NALF1: variants seen among roughly 807,000 people sequenced by gnomAD.
The protein encoded by NALF1 is NALCN channel auxiliary factor 1.
A neutral mutation model predicts 48.4 loss-of-function variants in NALF1; 3 were observed. The ratio of observed to expected loss-of-function variants is 0.06; its 90% CI spans 0.03 to 0.16. The LOEUF (loss-of-function observed/expected upper bound fraction) is 0.16, where lower values mean the gene tolerates loss of function less well. NALF1 is among the 10% of genes least tolerant of loss of function. The probability of loss-of-function intolerance (pLI) is 1.00; values close to 1 mark genes in which losing one functional copy is unlikely to be tolerated. For missense variants in NALF1, 526 were observed against 571.5 expected (o/e 0.92, Z 0.81); for synonymous variants, 262 against 245.7 (o/e 1.07, Z -0.62).
At position 107,732,993 on chromosome 13, in the gene NALF1, A is replaced by G. The variant is rs16971011; in HGVS notation, c.915+132689T>C. The stretch of plus-strand genomic sequence containing the variant: ...TTGGGGTGACGGCACCATTGTGGGT[A>G]AACATATTGTGCTAATTTCATGGAT... On this transcript the variant is annotated intron_variant, in intron 1 of 2. Coordinates refer to ENST00000375915, the MANE Select transcript of NALF1 (RefSeq NM_001080396.3). Among the ~76,000 whole-genome samples the G allele has an allele frequency of 0.026, 4,028 of 152,250 alleles. 303 individuals carry two copies. In the East Asian group the frequency reaches 0.3, roughly 11 times the overall value.
intron 1 of NALF1, among the ~76,000 whole-genome samples, chr13:107,790,565 G>A (rs1328561983): frequency 6.6e-6 from 1 of 152,162 alleles, no homozygotes; most frequent in East Asian, 1.9e-4. Flanking sequence ...CTGTATGTCA[G>A]ATCACATACA....
intron 1 of NALF1, among the ~76,000 whole-genome samples, chr13:107,442,128 C>T (rs34274811): frequency 0.12 from 17,677 of 151,894 alleles, 1,146 homozygotes; most frequent in Middle Eastern, 0.18. Flanking sequence ...GCATGGCAGG[C>T]AGCCTATAGG....
chr13:107,863,970 T>G (rs1342288321), intron 1 of NALF1, among the ~76,000 whole-genome samples: 1 of 152,194 alleles, frequency 6.6e-6, no homozygotes, highest in East Asian at 1.9e-4. Context: ...GCAAATATAA[T>G]TATTACAGGG....
intron 1 of NALF1, among the ~76,000 whole-genome samples, chr13:107,252,662 C>T (rs1040054626): frequency 1.3e-5 from 2 of 152,116 alleles, no homozygotes; most frequent in African/African-American, 4.8e-5. Context: ...AGTCCACACT[C>T]GGGGTGGGGG....
Position 107,558,774 on chromosome 13 carries a change from C to T in NALF1, c.915+306908G>A, listed in dbSNP as rs149048261. Among the ~76,000 whole-genome samples the T allele has an allele frequency of 8.4e-3, 1,273 of 152,262 alleles. 19 individuals carry two copies. Among genetic ancestry groups the T allele is most frequent in the African/African-American group, 0.029 (1,197 of 41,540 alleles). On this transcript the variant is annotated intron_variant, in intron 1 of 2. Transcript: ENST00000375915. ...TAGACTGAGTAAAGATGACCTGCCT[C>T]GCCCCTGCCTGTGGGCATCAACATG...
At chr13:107,228,973 C>T (rs1034866932) in intron 1 of NALF1, among the ~76,000 whole-genome samples, 6 of 151,880 alleles carry the variant, frequency 4.0e-5, no homozygotes, top group Non-Finnish European at 7.4e-5. Context: ...CATGAAAAAC[C>T]CTCCATTTCA....
intron 1 of NALF1, among the ~76,000 whole-genome samples, chr13:107,446,782 C>A (rs1252802428): frequency 6.6e-6 from 1 of 152,178 alleles, no homozygotes; most frequent in African/African-American, 2.4e-5. Flanking sequence ...TGCAATCTTA[C>A]TATTTATGTC....
chr13:107,180,528 G>A (rs1259410282), intron 2 of NALF1, among the ~76,000 whole-genome samples: 1 of 151,868 alleles, frequency 6.6e-6, no homozygotes, highest in Non-Finnish European at 1.5e-5. Context: ...AATTCTGATT[G>A]CTGAAGCTTA....
At chr13:107,199,036 T>C (rs1244629131) in intron 2 of NALF1, among the ~76,000 whole-genome samples, 2 of 151,886 alleles carry the variant, frequency 1.3e-5, no homozygotes, top group African/African-American at 2.4e-5. Flanking sequence ...GGGTGGGTCC[T>C]AGTTCAATAG....
chr13:107,430,032 G>A (rs1884349244), intron 1 of NALF1, among the ~76,000 whole-genome samples: 2 of 152,144 alleles, frequency 1.3e-5, no homozygotes, highest in African/African-American at 4.8e-5. Flanking sequence ...TTGAATTTAG[G>A]TATTGAGTTC....
chr13:107,489,184 T>C (rs897410859), intron 1 of NALF1, among the ~76,000 whole-genome samples: 3 of 152,124 alleles, frequency 2.0e-5, no homozygotes, highest in Non-Finnish European at 4.4e-5. Flanking sequence ...AGAATCGATA[T>C]CATTAAAATA....
intron 1 of NALF1, among the ~76,000 whole-genome samples, chr13:107,645,124 G>C (rs575063227): frequency 1.2e-4 from 18 of 152,100 alleles, no homozygotes; most frequent in South Asian, 1.0e-3. Context: ...TTTCATTAAT[G>C]TACCTAGGAG....
At chr13:107,834,707 T>C (rs748142540) in intron 1 of NALF1, among the ~76,000 whole-genome samples, 22 of 152,182 alleles carry the variant, frequency 1.4e-4, no homozygotes, top group Non-Finnish European at 2.9e-4. Context: ...ATAAAGAACG[T>C]TCTCCAGAAA....
chr13:107,291,058 T>C (rs1393341660), intron 1 of NALF1, among the ~76,000 whole-genome samples: 2 of 151,656 alleles, frequency 1.3e-5, no homozygotes, highest in East Asian at 3.9e-4. Flanking sequence ...AACAACATTG[T>C]ACCTCTATCA....
rs111335037 is a variant in NALF1 at position 107,649,252 on chromosome 13, T to G, written c.915+216430A>C. The stretch of plus-strand genomic sequence containing the variant: ...CCCACCATGTGGGAACTGTCAATCT[T>G]CACTGTTTATGCAGATATGCAGATT... On this transcript the variant is annotated intron_variant, in intron 1 of 2. Transcript: ENST00000375915. Among the ~76,000 whole-genome samples, 234 of 152,342 alleles carry G rather than the reference T, an allele frequency of 1.5e-3. 2 individuals are homozygous for G. Among genetic ancestry groups the G allele is most frequent in the African/African-American group, 5.2e-3 (215 of 41,586 alleles).
intron 1 of NALF1, among the ~76,000 whole-genome samples, chr13:107,372,936 G>A (rs1018909370): frequency 7.4e-5 from 11 of 149,204 alleles, no homozygotes; most frequent in Middle Eastern, 3.4e-3. Flanking sequence ...CAACTGAATC[G>A]GACCCTAAAT....
chr13:107,239,292 A>T (rs1178396976), intron 1 of NALF1, among the ~76,000 whole-genome samples: 1 of 152,146 alleles, frequency 6.6e-6, no homozygotes, highest in East Asian at 1.9e-4. Flanking sequence ...TGGAGAAGCT[A>T]ATGTTCGGTG....
chr13:107,757,997 G>T (rs1877160945), intron 1 of NALF1, among the ~76,000 whole-genome samples: 1 of 152,130 alleles, frequency 6.6e-6, no homozygotes, highest in Non-Finnish European at 1.5e-5. Context: ...GGGAGAGACA[G>T]ATTATCTCTT....
chr13:107,191,514 G>A (rs1879279986), intron 2 of NALF1, among the ~76,000 whole-genome samples: 1 of 152,082 alleles, frequency 6.6e-6, no homozygotes, highest in Non-Finnish European at 1.5e-5. Flanking sequence ...TTTAAAAAAT[G>A]TAAAAATCAG....
Sources: gnomAD v4.1 joint callset for allele counts (sites outside exome capture counted in the v4.1 genomes callset) on GRCh38, gnomAD v4.1.1 for gene constraint, MANE v1.5 for transcripts, NCBI Gene and HGNC (gene_info 2026-07-23, HGNC 2026-07-21) for gene names.